Variants in KIRREL3 observed in about 807,000 individuals in gnomAD.
KIRREL3 encodes the protein kin of IRRE-like protein 3.
In KIRREL3, 36 loss-of-function variants were observed where a neutral mutation model predicts 89.7. The ratio of observed to expected loss-of-function variants is 0.40; its 90% CI spans 0.31 to 0.53. The LOEUF is 0.53. KIRREL3 is among the 20% of genes least tolerant of loss of function. KIRREL3 has a pLI of 0.49. For synonymous variants in KIRREL3, 445 were observed against 441.4 expected, an observed-to-expected ratio of 1.01 and a Z score of -0.10; for missense variants, 864 against 1,056.6, an observed-to-expected ratio of 0.82 and a Z score of 2.53.
chr11:126,743,768 T>G (rs932578934), intron 1 of KIRREL3, among the ~76,000 whole-genome samples: 1 of 152,208 alleles, frequency 6.6e-6, no homozygotes, highest in African/African-American at 2.4e-5. Context: ...CATGAGATAA[T>G]CTGGCTGAGT....
intron 1 of KIRREL3, among the ~76,000 whole-genome samples, chr11:126,998,852 T>A (rs1950242340): frequency 6.6e-6 from 1 of 152,074 alleles, no homozygotes; most frequent in South Asian, 2.1e-4. Flanking sequence ...GAAGATTCCC[T>A]CCTTCTCAGG....
Position 126,905,090 on chromosome 11 carries a change from T to C in KIRREL3, c.55+95365A>G, listed in dbSNP as rs1946524899. Among the ~76,000 whole-genome samples the C allele has an allele frequency of 6.6e-6, 1 of 152,170 alleles. No individual in the cohort carries two copies. On this transcript the variant is annotated intron_variant, in intron 1 of 16. Coordinates refer to ENST00000525144, the MANE Select transcript of KIRREL3 (RefSeq NM_032531.4). This position sits in a 1 kb window ranked among gnomAD's most constrained non-coding sequence, Gnocchi z 5.0. ...GCAAAAAGGGCGACATGATGGTTGG[T>C]GTCTATGAAGACAGCTGTGTGTCAT...
At chr11:126,880,111 T>C (rs1454179940) in intron 1 of KIRREL3, among the ~76,000 whole-genome samples, 1 of 152,232 alleles carries the variant, frequency 6.6e-6, no homozygotes, top group Admixed American at 6.5e-5. Flanking sequence ...GATGTGCGAA[T>C]TATCCTTAAG....
chr11:126,881,740 G>C (rs1945506131), intron 1 of KIRREL3, among the ~76,000 whole-genome samples: 1 of 152,026 alleles, frequency 6.6e-6, no homozygotes, highest in African/African-American at 2.4e-5. Flanking sequence ...TAGAGATGGG[G>C]TTTCACCATG....
In KIRREL3 at chr11:126,429,592, T is replaced by G. The variant is rs1955055589; in HGVS notation, c.1697-304A>C. 6.6e-6 allele frequency among the ~76,000 whole-genome samples: 1 copy of G among 152,208 alleles called. No homozygotes were observed. The highest frequency in any genetic ancestry group is 2.1e-4 in the South Asian group (1 of 4,822). ...GTCCGCCTTACTGAGCTAGGTCCTT[T>G]TCATCCTACTGAATTCTCACTTCCT... is the stretch of plus-strand genomic sequence containing the variant. On this transcript the variant is annotated intron_variant, in intron 14 of 16. Coordinates refer to ENST00000525144, the MANE Select transcript of KIRREL3 (RefSeq NM_032531.4). This position sits in a 1 kb window ranked among gnomAD's most constrained non-coding sequence, Gnocchi z 5.2.
intron 1 of KIRREL3, among the ~76,000 whole-genome samples, chr11:126,972,302 C>T (rs996197855): frequency 1.3e-5 from 2 of 152,044 alleles, no homozygotes; most frequent in Non-Finnish European, 2.9e-5. Flanking sequence ...TACCTTTTGG[C>T]TTCCTAGATT....
At position 126,990,505 on chromosome 11, in the gene KIRREL3, C is replaced by T. The variant is rs1950006289; in HGVS notation, c.55+9950G>A. ...TCCCCGTCCTAAGGGACCTCCCGGG[C>T]TCTGCTCTCTCTGGGCAGGTTCAGG... On this transcript the variant is annotated intron_variant, in intron 1 of 16. Transcript: ENST00000525144. The surrounding 1 kb of genome is among the most constrained non-coding windows in gnomAD (Gnocchi z 6.3). 6.6e-6 allele frequency among the ~76,000 whole-genome samples: 1 copy of T among 151,764 alleles called. No individual in the cohort carries two copies. Among genetic ancestry groups the T allele is most frequent in the South Asian group, 2.1e-4 (1 of 4,810 alleles).
Position 126,647,817 on chromosome 11 carries a change from C to T in KIRREL3, c.56-84905G>A, listed in dbSNP as rs190527430. ...GAGGGAGCCGTTCCTTTGTTCAGAACGGTGCAGAGCATTCCATCTCACTGA... is the reference window on the plus strand; with the variant it reads ...GAGGGAGCCGTTCCTTTGTTCAGAATGGTGCAGAGCATTCCATCTCACTGA... On this transcript the variant is annotated intron_variant, in intron 1 of 16. Transcript: ENST00000525144. The surrounding 1 kb of genome is among the most constrained non-coding windows in gnomAD (Gnocchi z 4.9). 2.1e-3 allele frequency among the ~76,000 whole-genome samples: 313 copies of T among 152,292 alleles called. 1 individual carries two copies. The highest frequency in any genetic ancestry group is 3.5e-3 in the Non-Finnish European group (241 of 68,016).
chr11:126,503,149 T>C (rs1470846902), intron 4 of KIRREL3, among the ~76,000 whole-genome samples: 3 of 152,228 alleles, frequency 2.0e-5, no homozygotes, highest in Non-Finnish European at 4.4e-5. Context: ...GCTCTCATTC[T>C]CTTAGATAAG....
intron 1 of KIRREL3, among the ~76,000 whole-genome samples, chr11:126,835,299 G>C (rs1228761760): frequency 6.6e-6 from 1 of 152,150 alleles, no homozygotes; most frequent in African/African-American, 2.4e-5. Flanking sequence ...GACCCCTTGT[G>C]GATGCTAAGG....
intron 1 of KIRREL3, among the ~76,000 whole-genome samples, chr11:126,942,720 T>C (rs573045146): frequency 6.6e-6 from 1 of 152,330 alleles, no homozygotes; most frequent in East Asian, 1.9e-4. Flanking sequence ...ATGCTGGCCT[T>C]CTCCCCTGCA....
At position 126,883,617 on chromosome 11, in the gene KIRREL3, G is replaced by A. The variant is rs78800677; in HGVS notation, c.55+116838C>T. ...TCCAGGAAGAATGTATTGTTCTTAC[G>A]TCAGCACTCCCATAAAACCTCTATT... On this transcript the variant is annotated intron_variant, in intron 1 of 16. Coordinates refer to ENST00000525144, the MANE Select transcript of KIRREL3 (RefSeq NM_032531.4). This position sits in a 1 kb window ranked among gnomAD's most constrained non-coding sequence, Gnocchi z 4.1. 3.6e-4 allele frequency among the ~76,000 whole-genome samples: 55 copies of A among 152,152 alleles called. No individual in the cohort carries two copies. The highest frequency in any genetic ancestry group is 5.9e-4 in the Non-Finnish European group (40 of 67,992).
In KIRREL3 at chr11:126,689,568, C is replaced by T. The variant is rs1946803125; in HGVS notation, c.56-126656G>A. 6.6e-6 allele frequency among the ~76,000 whole-genome samples: 1 copy of T among 152,194 alleles called. No individual in the cohort carries two copies. The highest frequency in any genetic ancestry group is 6.5e-5 in the Admixed American group (1 of 15,284). On this transcript the variant is annotated intron_variant, in intron 1 of 16. Transcript: ENST00000525144. The surrounding 1 kb of genome is among the most constrained non-coding windows in gnomAD (Gnocchi z 5.2). ...CCTGGCTCTACCTTACCTTGACACT[C>T]CCAAGTGTAGACATGCCTGATTATT...
chr11:126,906,407 T>A lies in KIRREL3; in HGVS notation c.55+94048A>T, dbSNP rs1261606613. 2.0e-5 allele frequency among the ~76,000 whole-genome samples: 3 copies of A among 152,132 alleles called. No homozygotes were observed. Among genetic ancestry groups the A allele is most frequent in the Non-Finnish European group, 2.9e-5 (2 of 68,026 alleles). On this transcript the variant is annotated intron_variant, in intron 1 of 16. Transcript: ENST00000525144. The surrounding 1 kb of genome is among the most constrained non-coding windows in gnomAD (Gnocchi z 4.1). The stretch of plus-strand genomic sequence containing the variant: ...TTATCAAAAGAGGGAAACTGAGGCT[T>A]AAGGAACGGAAGTATTAGCAGCAAG...
chr11:126,531,890 C>T lies in KIRREL3; in HGVS notation c.134-5203G>A, dbSNP rs1447951976. Among the ~76,000 whole-genome samples, 1 of 152,148 alleles carries T rather than the reference C, an allele frequency of 6.6e-6. No homozygotes were observed. Among genetic ancestry groups the T allele is most frequent in the Non-Finnish European group, 1.5e-5 (1 of 68,040 alleles). Reference sequence around the variant, plus strand: ...CATGTGCCTTTGTACTTAGAGTTTGCCTGCTCTGGTTGGTCTGCTGAGATC... The same window carrying T: ...CATGTGCCTTTGTACTTAGAGTTTGTCTGCTCTGGTTGGTCTGCTGAGATC... On this transcript the variant is annotated intron_variant, in intron 2 of 16. Coordinates refer to ENST00000525144, the MANE Select transcript of KIRREL3 (RefSeq NM_032531.4). This position sits in a 1 kb window ranked among gnomAD's most constrained non-coding sequence, Gnocchi z 4.7.
At chr11:126,517,503 G>A (rs558792177) in intron 4 of KIRREL3, among the ~76,000 whole-genome samples, 1 of 152,160 alleles carries the variant, frequency 6.6e-6, no homozygotes, top group Non-Finnish European at 1.5e-5. Flanking sequence ...GGGTGGTTGG[G>A]GGGGATCCTT....
At chr11:126,819,185 T>C (rs1489010587) in intron 1 of KIRREL3, among the ~76,000 whole-genome samples, 3 of 152,132 alleles carry the variant, frequency 2.0e-5, no homozygotes, top group African/African-American at 7.2e-5. Flanking sequence ...GTCCCTAGCA[T>C]GCTGGGCAGC....
At chr11:126,585,700 A>C (rs974575894) in intron 1 of KIRREL3, among the ~76,000 whole-genome samples, 22 of 152,226 alleles carry the variant, frequency 1.4e-4, no homozygotes, top group Admixed American at 2.0e-4. Context: ...CTCCTGCGGA[A>C]CGTGGGAACA....
chr11:126,873,579 A>G (rs1592260405), intron 1 of KIRREL3, among the ~76,000 whole-genome samples: 1 of 152,358 alleles, frequency 6.6e-6, no homozygotes, highest in Non-Finnish European at 1.5e-5. Flanking sequence ...TTAAAGCAAA[A>G]GCAATTTTTA....
Sources: allele counts gnomAD v4.1 joint callset (sites outside exome capture counted in the v4.1 genomes callset), GRCh38; gene constraint gnomAD v4.1.1; non-coding constraint Gnocchi (gnomAD v3.1); transcripts MANE v1.5; gene names NCBI Gene and HGNC (gene_info 2026-07-23, HGNC 2026-07-21).